Variants in CEP128 observed in about 807,000 individuals in gnomAD.
CEP128 encodes centrosomal protein 128.
A neutral mutation model predicts 156.7 loss-of-function variants in CEP128; 132 were observed. That is an observed-to-expected ratio of 0.84 (90% CI 0.73 to 0.97). CEP128 has a LOEUF of 0.97. Among genes scored for constraint, CEP128 ranks in the 50% least tolerant of loss-of-function variants. The pLI, the probability that CEP128 is intolerant of heterozygous loss-of-function variation, is 0.00. For missense variants in CEP128, 1,252 were observed against 1,281.9 expected (o/e 0.98, Z 0.36); for synonymous variants, 469 against 448.9 (o/e 1.04, Z -0.57).
At chr14:80,916,179 G>C (rs1273973210) in intron 3 of CEP128, among the ~76,000 whole-genome samples, 1 of 152,152 alleles carries the variant, frequency 6.6e-6, no homozygotes, top group Admixed American at 6.5e-5. Flanking sequence ...TTTTCCCTTA[G>C]AGCCTCCAGA....
intron 15 of CEP128, among the ~76,000 whole-genome samples, chr14:80,784,539 T>C (rs572533346): frequency 6.6e-6 from 1 of 152,320 alleles, no homozygotes; most frequent in South Asian, 2.1e-4. Context: ...ACTGTGGTTA[T>C]AGCTTCTCTG....
At chr14:80,560,513 G>A (rs1890624168) in intron 20 of CEP128, among the ~76,000 whole-genome samples, 1 of 152,196 alleles carries the variant, frequency 6.6e-6, no homozygotes, top group Non-Finnish European at 1.5e-5. Flanking sequence ...CTAAAGAAGT[G>A]TAAAGGTAAA....
At chr14:80,517,992 G>A (rs977670671) in intron 23 of CEP128, among the ~76,000 whole-genome samples, 4 of 151,956 alleles carry the variant, frequency 2.6e-5, no homozygotes, top group Admixed American at 2.6e-4. Context: ...AAACAGCAGT[G>A]GTGGACGGTG....
At chr14:80,816,426 G>A (rs1884861887) in intron 13 of CEP128, among the ~76,000 whole-genome samples, 1 of 152,110 alleles carries the variant, frequency 6.6e-6, no homozygotes, top group Non-Finnish European at 1.5e-5. Flanking sequence ...AGGTGTGGCA[G>A]GCCAAGAATG....
chr14:80,884,291 G>A lies in CEP128; in HGVS notation c.645+11427C>T, dbSNP rs146501410. On this transcript the variant is annotated intron_variant, in intron 8 of 24. Transcript: ENST00000555265. The stretch of plus-strand genomic sequence containing the variant: ...TTAGCAATCATCAAAATGAAGAGAC[G>A]ACCCAGAAAATGACAGAAAATTTTG... Among the ~76,000 whole-genome samples, 48 of 152,246 alleles carry A rather than the reference G, an allele frequency of 3.2e-4. 1 individual carries two copies. In the Middle Eastern group the frequency reaches 0.01, roughly 32 times the overall value.
chr14:80,915,090 C>T (rs1244525514), intron 3 of CEP128, among the ~76,000 whole-genome samples: 3 of 152,156 alleles, frequency 2.0e-5, no homozygotes, highest in Non-Finnish European at 2.9e-5. Context: ...CTTGCTCTGC[C>T]ACCCAGGCTG....
At chr14:80,626,406 G>A (rs142714004) in intron 19 of CEP128, among the ~76,000 whole-genome samples, 4,205 of 148,176 alleles carry the variant, frequency 0.028, 212 homozygotes, top group African/African-American at 0.1. Context: ...GGAGCTTGCA[G>A]TGAGCCGAGA....
intron 19 of CEP128, among the ~76,000 whole-genome samples, chr14:80,650,454 T>C (rs1480887745): frequency 2.0e-5 from 3 of 152,184 alleles, no homozygotes; most frequent in Admixed American, 1.3e-4. Context: ...CAAAACTATG[T>C]TGAATACAAG....
chr14:80,640,820 T>C (rs1894374476), intron 19 of CEP128, among the ~76,000 whole-genome samples: 1 of 152,200 alleles, frequency 6.6e-6, no homozygotes, highest in South Asian at 2.1e-4. Context: ...TTAGAAAACT[T>C]GGCCCACATA....
intron 17 of CEP128, among the ~76,000 whole-genome samples, chr14:80,759,122 C>T (rs1010913038): frequency 2.6e-5 from 4 of 152,184 alleles, no homozygotes; most frequent in Non-Finnish European, 5.9e-5. Flanking sequence ...TTAATTCAGA[C>T]ACTTTCCTAA....
chr14:80,846,746 A>T (rs1386460120), intron 9 of CEP128, among the ~76,000 whole-genome samples: 1 of 152,176 alleles, frequency 6.6e-6, no homozygotes, highest in Admixed American at 6.5e-5. Flanking sequence ...AATGTTAATT[A>T]TATAGAAATC....
Position 80,866,658 on chromosome 14 carries a change from T to C in CEP128, c.646-3785A>G, listed in dbSNP as rs894120046. ...GGAGTCCCCTGCCAAAGCCAGTCTATAAAGTCTGGAAGAAGTGCCTGCTTC... is the reference window on the plus strand; with the variant it reads ...GGAGTCCCCTGCCAAAGCCAGTCTACAAAGTCTGGAAGAAGTGCCTGCTTC... On this transcript the variant is annotated intron_variant, in intron 8 of 24. Coordinates refer to ENST00000555265, the MANE Select transcript of CEP128 (RefSeq NM_152446.5). Among the ~76,000 whole-genome samples, 6 of 152,134 alleles carry C rather than the reference T, an allele frequency of 3.9e-5. No homozygotes were observed. In the East Asian group the frequency reaches 7.7e-4, roughly 20 times the overall value.
rs191651759 is a variant in CEP128 at position 80,621,422 on chromosome 14, G to A, written c.2807-40999C>T. ...GATTGTGTAAGAACTTAAGACAAAAGCTATATATAACAAAACATTGTGTTC... is the reference window on the plus strand; with the variant it reads ...GATTGTGTAAGAACTTAAGACAAAAACTATATATAACAAAACATTGTGTTC... On this transcript the variant is annotated intron_variant, in intron 19 of 24. Transcript: ENST00000555265. Among the ~76,000 whole-genome samples the A allele has an allele frequency of 2.7e-4, 41 of 152,212 alleles. No individual in the cohort carries two copies. The East Asian group carries it at 5.8e-3, about 21-fold the overall frequency.
intron 13 of CEP128, among the ~76,000 whole-genome samples, chr14:80,797,799 T>C (rs940391893): frequency 1.3e-5 from 2 of 152,200 alleles, no homozygotes; most frequent in Non-Finnish European, 2.9e-5. Flanking sequence ...GCTTTCAGGG[T>C]ATTTATAGTA....
At chr14:80,782,788 T>A (rs1901193920) in intron 15 of CEP128, among the ~76,000 whole-genome samples, 1 of 152,226 alleles carries the variant, frequency 6.6e-6, no homozygotes, top group South Asian at 2.1e-4. Context: ...ACTTCTTCTT[T>A]CAGCTTGCCT....
intron 19 of CEP128, among the ~76,000 whole-genome samples, chr14:80,741,411 T>C (rs1400077078): frequency 6.6e-6 from 1 of 152,136 alleles, no homozygotes; most frequent in Non-Finnish European, 1.5e-5. Flanking sequence ...CAGTGAATAA[T>C]TACTAAACTT....
chr14:80,678,059 T>TATATATATAC (rs1352616684), intron 19 of CEP128, among the ~76,000 whole-genome samples: 1 of 41,938 alleles, frequency 2.4e-5, no homozygotes, highest in African/African-American at 4.0e-5. Context: ...AATATATATA[T>TATATATATAC]ATATGTATAT....
intron 19 of CEP128, among the ~76,000 whole-genome samples, chr14:80,695,492 G>A (rs1193032710): frequency 6.6e-6 from 1 of 151,936 alleles, no homozygotes; most frequent in Non-Finnish European, 1.5e-5. Flanking sequence ...AAGGCAGGCG[G>A]ATCACTTGAG....
intron 19 of CEP128, among the ~76,000 whole-genome samples, chr14:80,600,541 C>T (rs1425507526): frequency 6.6e-6 from 1 of 152,132 alleles, no homozygotes; most frequent in African/African-American, 2.4e-5. Flanking sequence ...CATTCAAAAT[C>T]ACAGAGATAT....
Sources: allele counts gnomAD v4.1 joint callset (sites outside exome capture counted in the v4.1 genomes callset), GRCh38; gene constraint gnomAD v4.1.1; transcripts MANE v1.5; gene names NCBI Gene and HGNC (gene_info 2026-07-23, HGNC 2026-07-21).